The following PRKG1 variants were observed in gnomAD, a reference collection of about 807,000 sequenced individuals.
PRKG1 encodes cGMP-dependent protein kinase 1.
A neutral mutation model predicts 88.1 loss-of-function variants in PRKG1; 35 were observed. That is an observed-to-expected ratio of 0.40 (90% CI 0.30 to 0.53). PRKG1 has a LOEUF of 0.53. Among genes scored for constraint, PRKG1 ranks in the 20% least tolerant of loss-of-function variants. PRKG1 has a pLI of 0.59. For synonymous variants in PRKG1, 303 were observed against 292.5 expected (o/e 1.04, Z -0.37); for missense variants, 540 against 839.8 (o/e 0.64, Z 4.41).
intron 2 of PRKG1, among the ~76,000 whole-genome samples, chr10:51,335,459 A>G (rs1300880335): frequency 6.6e-6 from 1 of 152,186 alleles, no homozygotes; most frequent in East Asian, 1.9e-4. Flanking sequence ...CCTCTGTCCC[A>G]TTACAAGCTA....
At chr10:51,413,278 A>G (rs7902687) in intron 2 of PRKG1, among the ~76,000 whole-genome samples, 113,364 of 152,070 alleles carry the variant, frequency 0.75, 42,550 homozygotes, top group Non-Finnish European at 0.77. Flanking sequence ...CCACATAAAC[A>G]CTAACACAAG....
At chr10:51,698,194 G>A in intron 3 of PRKG1, 1 of 1,614,050 alleles carries the variant, frequency 6.2e-7, no homozygotes, top group Non-Finnish European at 8.5e-7. Context: ...TTGCATCCAT[G>A]CCCCTTGCTT....
rs1401700130 is a variant in PRKG1, at chr10:51,970,711, G to GAT, written c.762+63152_762+63153dup. ...GATATATATATCAGATATATCATCT[G>GAT]ATATATATATATCAGATATATCAGA... On this transcript the variant is annotated intron_variant, in intron 5 of 17. Transcript: ENST00000373980. 2.6e-3 allele frequency among the ~76,000 whole-genome samples: 349 copies of GAT among 136,172 alleles called. 4 individuals carry two copies. Among genetic ancestry groups the GAT allele is most frequent in the African/African-American group, 9.7e-3 (319 of 32,918 alleles). 89.3% of individuals were successfully genotyped at this position (136,172 alleles called of 152,430 possible). A position where few individuals can be genotyped will look rare whatever the true frequency, so the allele number is the denominator to read the frequency against.
intron 3 of PRKG1, among the ~76,000 whole-genome samples, chr10:51,780,601 C>A (rs1008564878): frequency 2.0e-4 from 30 of 152,096 alleles, no homozygotes; most frequent in African/African-American, 6.0e-4. Context: ...AACTTTTAAT[C>A]ATTTCTGGAC....
chr10:51,057,930 G>A (rs543326777), intron 1 of PRKG1, among the ~76,000 whole-genome samples: 12 of 152,112 alleles, frequency 7.9e-5, no homozygotes, highest in South Asian at 2.1e-4. Context: ...TTAGGTAGAC[G>A]TTGCCACCTA....
At chr10:52,215,600 G>C (rs1049608355) in intron 9 of PRKG1, among the ~76,000 whole-genome samples, 1 of 152,000 alleles carries the variant, frequency 6.6e-6, no homozygotes. Context: ...CACTTTGGTG[G>C]TATTCATACA....
At chr10:51,675,743 T>G (rs981142298) in intron 3 of PRKG1, among the ~76,000 whole-genome samples, 2 of 152,220 alleles carry the variant, frequency 1.3e-5, no homozygotes, top group East Asian at 1.9e-4. Flanking sequence ...ATTTTAAAGT[T>G]GTTTTTCCTG....
chr10:51,077,412 C>CT (rs1220382616), intron 1 of PRKG1, among the ~76,000 whole-genome samples: 20 of 151,968 alleles, frequency 1.3e-4, no homozygotes, highest in South Asian at 1.3e-3. Context: ...TTTTGATTCT[C>CT]TTTTTTTTAG....
At chr10:52,133,390 G>A (rs1246222918) in intron 7 of PRKG1, among the ~76,000 whole-genome samples, 2 of 152,026 alleles carry the variant, frequency 1.3e-5, no homozygotes, top group African/African-American at 4.8e-5. Flanking sequence ...GGTCTTTAAA[G>A]TAAGGAAATA....
intron 2 of PRKG1, among the ~76,000 whole-genome samples, chr10:51,276,234 G>A (rs1840113498): frequency 6.6e-6 from 1 of 151,986 alleles, no homozygotes; most frequent in Non-Finnish European, 1.5e-5. Context: ...TCGTCCTTGT[G>A]ATAGTTTGCT....
chr10:50,993,630 G>A (rs973247149), intron 1 of PRKG1, among the ~76,000 whole-genome samples: 5 of 152,160 alleles, frequency 3.3e-5, no homozygotes, highest in African/African-American at 1.2e-4. Context: ...GGGCTTTATC[G>A]CATTTTTGAA....
chr10:51,557,464 A>C (rs965746011), intron 3 of PRKG1, among the ~76,000 whole-genome samples: 1 of 151,938 alleles, frequency 6.6e-6, no homozygotes, highest in Non-Finnish European at 1.5e-5. Context: ...TCCATTCCAG[A>C]GTAGGAGAAA....
chr10:51,941,855 G>A (rs1185339728), intron 5 of PRKG1, among the ~76,000 whole-genome samples: 2 of 151,864 alleles, frequency 1.3e-5, no homozygotes, highest in Admixed American at 6.6e-5. Context: ...GTCTATCATT[G>A]TTGGACATTT....
chr10:52,290,348 C>A, intron 17 of PRKG1, 58 bp downstream of exon 17: 3 of 1,347,892 alleles, frequency 2.2e-6, no homozygotes, highest in Non-Finnish European at 3.1e-6. Context: ...TTATGTCAGT[C>A]AACAATGATC....
chr10:51,105,008 G>T (rs188906694), intron 1 of PRKG1, among the ~76,000 whole-genome samples: 2 of 152,172 alleles, frequency 1.3e-5, no homozygotes, highest in Admixed American at 1.3e-4. Flanking sequence ...GGGATTACAG[G>T]CATGGGCCAC....
intron 2 of PRKG1, among the ~76,000 whole-genome samples, chr10:51,379,552 A>G (rs1470357169): frequency 6.6e-6 from 1 of 152,210 alleles, no homozygotes; most frequent in South Asian, 2.1e-4. Context: ...TAATAATTCC[A>G]TTGCATCTGT....
chr10:51,546,663 C>A (rs1842450606), intron 3 of PRKG1, among the ~76,000 whole-genome samples: 1 of 151,996 alleles, frequency 6.6e-6, no homozygotes, highest in Non-Finnish European at 1.5e-5. Flanking sequence ...TCTCATAAAC[C>A]TCTGAAGATT....
chr10:51,009,530 A>G (rs1400336064), intron 1 of PRKG1, among the ~76,000 whole-genome samples: 1 of 152,192 alleles, frequency 6.6e-6, no homozygotes, highest in Non-Finnish European at 1.5e-5. Flanking sequence ...CTATCATACC[A>G]CTGAAAAGTT....
intron 2 of PRKG1, among the ~76,000 whole-genome samples, chr10:51,406,420 C>T (rs1015732865): frequency 6.6e-6 from 1 of 152,102 alleles, no homozygotes; most frequent in Non-Finnish European, 1.5e-5. Flanking sequence ...CGAGATGAAG[C>T]CAGAGTAGAA....
Sources: gnomAD v4.1 joint callset for allele counts (sites outside exome capture counted in the v4.1 genomes callset) on GRCh38, gnomAD v4.1.1 for gene constraint, MANE v1.5 for transcripts, NCBI Gene and HGNC (gene_info 2026-07-23, HGNC 2026-07-21) for gene names.